The following COX7B2 variants were observed in gnomAD, a reference collection of about 807,000 sequenced individuals.
The protein encoded by COX7B2 is cytochrome c oxidase subunit 7B2.
For synonymous variants in COX7B2, 37 were observed against 32.1 expected (o/e 1.15, Z -0.51); for missense variants, 109 against 95.9 (o/e 1.14, Z -0.57).
chr4:46,804,963 G>A (rs1025186029), intron 2 of COX7B2, among the ~76,000 whole-genome samples: 5 of 152,174 alleles, frequency 3.3e-5, no homozygotes, highest in Non-Finnish European at 7.4e-5. Context: ...GGTGGGCTGC[G>A]GGTCCCGAGC....
intron 1 of COX7B2, among the ~76,000 whole-genome samples, chr4:46,865,080 T>C (rs1717583664): frequency 6.6e-6 from 1 of 152,208 alleles, no homozygotes; most frequent in Non-Finnish European, 1.5e-5. Context: ...AGTATGCCTG[T>C]GTAGTTTTTT....
chr4:46,760,150 G>A (rs1041523988), intron 2 of COX7B2, among the ~76,000 whole-genome samples: 6 of 152,174 alleles, frequency 3.9e-5, no homozygotes, highest in East Asian at 3.9e-4. Context: ...ACAGTGTGGC[G>A]ATTCCTCAAG....
rs148873803 is a variant in COX7B2 at position 46,791,750 on chromosome 4, T to C, written c.-50+53210A>G. Among the ~76,000 whole-genome samples the C allele has an allele frequency of 8.6e-3, 1,307 of 152,318 alleles. 19 individuals are homozygous for C. Among genetic ancestry groups the C allele is most frequent in the African/African-American group, 0.029 (1,216 of 41,574 alleles). Reference sequence around the variant, plus strand: ...GTTCCTCTCCTGGAACCCATTCCCATGCAGCATATAGCAGCACTCAAATCC... The same window carrying C: ...GTTCCTCTCCTGGAACCCATTCCCACGCAGCATATAGCAGCACTCAAATCC... On this transcript the variant is annotated intron_variant, in intron 2 of 2. Transcript: ENST00000355591.
chr4:46,803,450 G>T (rs1376252975), intron 2 of COX7B2, among the ~76,000 whole-genome samples: 1 of 152,000 alleles, frequency 6.6e-6, no homozygotes, highest in African/African-American at 2.4e-5. Flanking sequence ...CAGTTACAAT[G>T]ATCTAGTTGG....
At chr4:46,805,169 C>G (rs1718931833) in intron 2 of COX7B2, among the ~76,000 whole-genome samples, 1 of 152,342 alleles carries the variant, frequency 6.6e-6, no homozygotes, top group Middle Eastern at 3.4e-3. Context: ...ACCCATGCCT[C>G]TCCCTCCACA....
intron 2 of COX7B2, among the ~76,000 whole-genome samples, chr4:46,798,091 A>G (rs549804977): frequency 2.0e-5 from 3 of 152,340 alleles, no homozygotes; most frequent in East Asian, 1.9e-4. Flanking sequence ...AGCAAGAAAT[A>G]GCAACTATTC....
chr4:46,743,507 G>A (rs951820394), intron 2 of COX7B2, among the ~76,000 whole-genome samples: 2 of 152,176 alleles, frequency 1.3e-5, no homozygotes, highest in African/African-American at 4.8e-5. Flanking sequence ...TAGTTTGACA[G>A]TGATTCCAAT....
rs56248005 is a variant in COX7B2, at chr4:46,754,728, G to GTATATATATATA, written c.-49-19499_-49-19488dup. On this transcript the variant is annotated intron_variant, in intron 2 of 2. Coordinates refer to ENST00000355591, the MANE Select transcript of COX7B2 (RefSeq NM_130902.3). ...TGTGTGTGTGTGTGTGTGTGTGTGTGTATATATATATATATATATATGAAA... is the reference window on the plus strand; with the variant it reads ...TGTGTGTGTGTGTGTGTGTGTGTGTGTATATATATATATATATATATATATATATATATGAAA... 7.3e-4 allele frequency among the ~76,000 whole-genome samples: 29 copies of GTATATATATATA among 39,854 alleles called. 3 individuals are homozygous for GTATATATATATA. Among genetic ancestry groups the GTATATATATATA allele is most frequent in the Middle Eastern group, 0.026 (2 of 76 alleles). 26.1% of individuals were successfully genotyped at this position (39,854 alleles called of 152,430 possible). A position where few individuals can be genotyped will look rare whatever the true frequency, so the allele number is the denominator to read the frequency against.
At chr4:46,822,222 C>G (rs949782173) in intron 2 of COX7B2, among the ~76,000 whole-genome samples, 1 of 152,062 alleles carries the variant, frequency 6.6e-6, no homozygotes, top group East Asian at 1.9e-4. Context: ...CAATTGTTTC[C>G]AATAGAAAAT....
intron 2 of COX7B2, among the ~76,000 whole-genome samples, chr4:46,788,247 T>C (rs1434848337): frequency 6.6e-6 from 1 of 152,028 alleles, no homozygotes; most frequent in Non-Finnish European, 1.5e-5. Context: ...AAATCAAAGA[T>C]AAATAGAACC....
chr4:46,899,287 T>C (rs1204551435), intron 1 of COX7B2, among the ~76,000 whole-genome samples: 1 of 152,200 alleles, frequency 6.6e-6, no homozygotes, highest in African/African-American at 2.4e-5. Context: ...ACCCATTTAT[T>C]TGAAAAAGTG....
intron 1 of COX7B2, among the ~76,000 whole-genome samples, chr4:46,889,672 A>G (rs566529004): frequency 6.6e-6 from 1 of 152,296 alleles, no homozygotes; most frequent in Admixed American, 6.5e-5. Context: ...AACAAAAGGA[A>G]TGCCTCTTGA....
At chr4:46,837,939 G>A (rs1447901136) in intron 2 of COX7B2, among the ~76,000 whole-genome samples, 7 of 151,848 alleles carry the variant, frequency 4.6e-5, no homozygotes, top group Non-Finnish European at 8.8e-5. Context: ...AACTAAGGTC[G>A]AAATAACCGA....
At position 46,771,979 on chromosome 4, in the gene COX7B2, G is replaced by T. The variant is rs1437058981; in HGVS notation, c.-49-36738C>A. ...AACTTTGGACTTTTGGACTTGGCAT[G>T]CACAACCTGTATCTCTTTCACTGTG... is the stretch of plus-strand genomic sequence containing the variant. On this transcript the variant is annotated intron_variant, in intron 2 of 2. Coordinates refer to ENST00000355591, the MANE Select transcript of COX7B2 (RefSeq NM_130902.3). 2.6e-5 allele frequency among the ~76,000 whole-genome samples: 4 copies of T among 152,234 alleles called. No homozygotes were observed. In the East Asian group the frequency reaches 7.7e-4, roughly 29 times the overall value.
intron 1 of COX7B2, among the ~76,000 whole-genome samples, chr4:46,856,329 T>G (rs1208856762): frequency 1.3e-5 from 2 of 152,192 alleles, no homozygotes. Flanking sequence ...AGGGTGTGAC[T>G]ATGGGACCAG....
intron 2 of COX7B2, among the ~76,000 whole-genome samples, chr4:46,793,719 T>A (rs565632439): frequency 6.6e-6 from 1 of 152,218 alleles, no homozygotes. Context: ...AATCTCATCC[T>A]GTGACTGACT....
At chr4:46,751,139 T>A (rs919473516) in intron 2 of COX7B2, among the ~76,000 whole-genome samples, 1 of 152,084 alleles carries the variant, frequency 6.6e-6, no homozygotes, top group African/African-American at 2.4e-5. Context: ...CCAAAGATTT[T>A]TTTTTTAGTT....
intron 1 of COX7B2, among the ~76,000 whole-genome samples, chr4:46,862,953 GTTA>G (rs1717426901): frequency 6.6e-6 from 1 of 152,080 alleles, no homozygotes; most frequent in Admixed American, 6.5e-5. Context: ...TTAAGAAAGA[GTTA>G]TTATAATATA....
At chr4:46,771,029 T>G (rs1337801311) in intron 2 of COX7B2, among the ~76,000 whole-genome samples, 1 of 151,990 alleles carries the variant, frequency 6.6e-6, no homozygotes, top group Non-Finnish European at 1.5e-5. Flanking sequence ...AAACAGACAA[T>G]TTAAGAAATG....
Sources: allele counts gnomAD v4.1 joint callset (sites outside exome capture counted in the v4.1 genomes callset), GRCh38; gene constraint gnomAD v4.1.1; transcripts MANE v1.5; gene names NCBI Gene and HGNC (gene_info 2026-07-23, HGNC 2026-07-21).